Variants in PDE4D observed in about 807,000 individuals in gnomAD.
PDE4D encodes the protein 3',5'-cyclic-AMP phosphodiesterase 4D.
PDE4D carries 24 observed loss-of-function variants against 87.4 expected under a neutral mutation model. The observed-to-expected ratio is 0.27, with a 90% CI of 0.20 to 0.39. The LOEUF (loss-of-function observed/expected upper bound fraction) is 0.39, where lower values mean the gene tolerates loss of function less well. PDE4D is among the 10% of genes least tolerant of loss of function. The pLI is 1.00. For synonymous variants in PDE4D, 384 were observed against 383.2 expected, an observed-to-expected ratio of 1.00 and a Z score of -0.02; for missense variants, 714 against 1,041.0, an observed-to-expected ratio of 0.69 and a Z score of 4.32.
intron 1 of PDE4D, chr5:59,217,851 G>A (rs1167444294): frequency 7.0e-6 from 2 of 285,912 alleles, no homozygotes; most frequent in African/African-American, 4.6e-5. Context: ...AGGCTGGAAG[G>A]GGAGGATGGT....
intron 1 of PDE4D, among the ~76,000 whole-genome samples, chr5:59,363,551 C>G (rs1782565748): frequency 6.6e-6 from 1 of 152,168 alleles, no homozygotes; most frequent in Admixed American, 6.6e-5. Context: ...TTTGAACTTT[C>G]ACAGGAAAAA....
intron 1 of PDE4D, among the ~76,000 whole-genome samples, chr5:60,328,974 T>C (rs1170947687): frequency 1.3e-5 from 2 of 152,208 alleles, no homozygotes; most frequent in Non-Finnish European, 2.9e-5. Context: ...GTTAAAATAA[T>C]TCTTATTGAT....
intron 3 of PDE4D, among the ~76,000 whole-genome samples, chr5:59,908,450 C>A (rs1753079692): frequency 6.6e-6 from 1 of 152,104 alleles, no homozygotes; most frequent in African/African-American, 2.4e-5. Flanking sequence ...TGAAATAATT[C>A]CTCTGACAAT....
chr5:59,302,168 G>A (rs1423931973), intron 1 of PDE4D, among the ~76,000 whole-genome samples: 1 of 152,078 alleles, frequency 6.6e-6, no homozygotes, highest in Admixed American at 6.5e-5. Context: ...ACAGATATTA[G>A]CAAGTTACTG....
At chr5:60,272,213 T>C (rs1750886056) in intron 1 of PDE4D, among the ~76,000 whole-genome samples, 1 of 152,174 alleles carries the variant, frequency 6.6e-6, no homozygotes, top group African/African-American at 2.4e-5. Context: ...GATGACCCCA[T>C]ACAACACAAA....
chr5:60,491,473 C>T (rs1228154548), upstream of PDE4D: 1 of 152,092 alleles, frequency 6.6e-6, no homozygotes, highest in African/African-American at 2.4e-5. Context: ...ATTAATAATG[C>T]ATGTGACAAA....
At chr5:59,994,890 A>G (rs181926129) in intron 2 of PDE4D, among the ~76,000 whole-genome samples, 137 of 152,262 alleles carry the variant, frequency 9.0e-4, no homozygotes, top group Non-Finnish European at 1.6e-3. Flanking sequence ...TTAATCATTT[A>G]TTGAGCACCT....
At chr5:60,282,238 T>TATATA (rs202140336) in intron 1 of PDE4D, among the ~76,000 whole-genome samples, 3 of 140,704 alleles carry the variant, frequency 2.1e-5, no homozygotes, top group South Asian at 2.3e-4. Context: ...TATATATATA[T>TATATA]TTCTCAAAAT....
At position 59,036,564 on chromosome 5, in the gene PDE4D, T is replaced by C. The variant is rs551142070; in HGVS notation, c.921+2295A>G. ...GCTGCTCCAACTCAGTTTACAGCTT[T>C]TGTGGATGTGGCTTATTCATGCCCT... On this transcript the variant is annotated intron_variant, in intron 6 of 14. Transcript: ENST00000340635. 5.7e-4 allele frequency among the ~76,000 whole-genome samples: 87 copies of C among 152,330 alleles called. 1 individual carries two copies. Among genetic ancestry groups the C allele is most frequent in the Admixed American group, 5.4e-3 (83 of 15,302 alleles).
At chr5:59,427,333 ACACACG>A (rs59969864) in intron 1 of PDE4D, among the ~76,000 whole-genome samples, 4,293 of 146,746 alleles carry the variant, frequency 0.029, 190 homozygotes, top group African/African-American at 0.1. Context: ...ACACACACAC[ACACACG>A]CCCCTATGCC....
chr5:60,276,327 A>T (rs1292036336), intron 1 of PDE4D, among the ~76,000 whole-genome samples: 1 of 152,186 alleles, frequency 6.6e-6, no homozygotes, highest in Non-Finnish European at 1.5e-5. Flanking sequence ...TGCATTTAAG[A>T]TTGCTAAATT....
intron 2 of PDE4D, among the ~76,000 whole-genome samples, chr5:59,991,407 G>A (rs914271910): frequency 6.6e-6 from 1 of 152,108 alleles, no homozygotes; most frequent in Non-Finnish European, 1.5e-5. Flanking sequence ...CGGAGGGTTT[G>A]AACAACACAT....
chr5:59,034,244 C>T (rs2153387837), intron 6 of PDE4D, among the ~76,000 whole-genome samples: 1 of 152,144 alleles, frequency 6.6e-6, no homozygotes, highest in Non-Finnish European at 1.5e-5. Flanking sequence ...TGTTGATTTT[C>T]TATAATTATA....
At chr5:59,660,812 CA>C (rs898484328) in intron 1 of PDE4D, among the ~76,000 whole-genome samples, 4 of 152,122 alleles carry the variant, frequency 2.6e-5, no homozygotes, top group African/African-American at 7.2e-5. Flanking sequence ...GCTGCTGAAA[CA>C]GTGCTCAAAG....
At chr5:59,533,453 T>C (rs1384098518) in intron 1 of PDE4D, among the ~76,000 whole-genome samples, 1 of 151,882 alleles carries the variant, frequency 6.6e-6, no homozygotes, top group East Asian at 1.9e-4. Context: ...ATTAAAACAC[T>C]AAAGGGTGGG....
chr5:59,741,367 C>A (rs1758807005), intron 1 of PDE4D, among the ~76,000 whole-genome samples: 1 of 152,076 alleles, frequency 6.6e-6, no homozygotes, highest in Non-Finnish European at 1.5e-5. Context: ...TTTTAAAACC[C>A]TTCGTCCAGT....
intron 1 of PDE4D, among the ~76,000 whole-genome samples, chr5:60,471,091 G>A (rs1747782254): frequency 6.6e-6 from 1 of 152,148 alleles, no homozygotes; most frequent in Non-Finnish European, 1.5e-5. Context: ...TGACTCATGG[G>A]AGGAGGCCAA....
chr5:59,381,684 G>A (rs1785901369), intron 1 of PDE4D, among the ~76,000 whole-genome samples: 1 of 152,014 alleles, frequency 6.6e-6, no homozygotes, highest in African/African-American at 2.4e-5. Context: ...GTCTTTCTAA[G>A]TCCCTCTAAT....
intron 1 of PDE4D, among the ~76,000 whole-genome samples, chr5:60,408,063 A>G (rs1267867721): frequency 3.3e-5 from 5 of 152,140 alleles, no homozygotes; most frequent in Non-Finnish European, 7.3e-5. Context: ...CTGTAAGGAC[A>G]CTAAGCCACA....
Sources: allele counts gnomAD v4.1 joint callset (sites outside exome capture counted in the v4.1 genomes callset), GRCh38; gene constraint gnomAD v4.1.1; transcripts MANE v1.5; gene names NCBI Gene and HGNC (gene_info 2026-07-23, HGNC 2026-07-21).